The following PGM5 variants were observed in gnomAD, a reference collection of about 807,000 sequenced individuals.
PGM5 encodes the protein phosphoglucomutase-like protein 5.
A neutral mutation model predicts 59.2 loss-of-function variants in PGM5; 23 were observed. That is an observed-to-expected ratio of 0.39 (90% confidence interval 0.28 to 0.55). The LOEUF is 0.55. Among genes scored for constraint, PGM5 ranks in the 20% least tolerant of loss-of-function variants. The pLI is 0.66. For synonymous variants in PGM5, 214 were observed against 286.0 expected (o/e 0.75, Z 2.54); for missense variants, 574 against 748.3 (o/e 0.77, Z 2.72).
intron 9 of PGM5, among the ~76,000 whole-genome samples, chr9:68,485,073 A>T (rs981793613): frequency 8.5e-5 from 13 of 152,086 alleles, no homozygotes; most frequent in Non-Finnish European, 1.3e-4. Flanking sequence ...TCAGTTATGG[A>T]TTTTATCTAC....
intron 6 of PGM5, among the ~76,000 whole-genome samples, chr9:68,442,599 GA>G (rs1424331166): frequency 2.6e-5 from 4 of 152,204 alleles, no homozygotes; most frequent in Admixed American, 2.6e-4. Context: ...TAATGAAGCA[GA>G]ATAGAGAGTC....
intron 3 of PGM5, among the ~76,000 whole-genome samples, chr9:68,386,926 G>C (rs1454922104): frequency 6.6e-6 from 1 of 151,916 alleles, no homozygotes; most frequent in Admixed American, 6.6e-5. Context: ...GCATGAATGA[G>C]ATTTCACGCA....
At chr9:68,483,409 A>T (rs1431528712) in intron 8 of PGM5, among the ~76,000 whole-genome samples, 5 of 152,196 alleles carry the variant, frequency 3.3e-5, no homozygotes, top group African/African-American at 1.2e-4. Context: ...CTGGCAGAAG[A>T]ATGTACAAGG....
rs375076537 is a variant in PGM5, at chr9:68,499,771, T to C, written c.1614+410T>C. ...TTGGACCATGACCTTGAGGTGCCAA[T>C]ACAGATGGGCTTTGTCTCTGAGATT... On this transcript the variant is annotated intron_variant, in intron 10 of 10. Transcript: ENST00000396396. Among the ~76,000 whole-genome samples the C allele has an allele frequency of 5.3e-4, 81 of 152,296 alleles. 1 individual carries two copies. The South Asian group carries it at 0.012, about 23-fold the overall frequency.
intron 6 of PGM5, chr9:68,428,859 T>C (rs1217673016): frequency 2.0e-5 from 3 of 152,216 alleles, no homozygotes; most frequent in African/African-American, 7.2e-5. Flanking sequence ...CGGAGAATGC[T>C]CCTTATAACT....
chr9:68,477,311 G>A (rs1343067980), intron 7 of PGM5, among the ~76,000 whole-genome samples: 4 of 150,132 alleles, frequency 2.7e-5, no homozygotes, highest in Non-Finnish European at 5.9e-5. Context: ...CCCCCCTCAG[G>A]TTTGCATGTT....
At chr9:68,471,082 T>C (rs1554686196) in intron 7 of PGM5, among the ~76,000 whole-genome samples, 2 of 152,310 alleles carry the variant, frequency 1.3e-5, no homozygotes, top group Non-Finnish European at 1.5e-5. Flanking sequence ...GATCCTTCTA[T>C]TAATCCTCCA....
intron 10 of PGM5, among the ~76,000 whole-genome samples, chr9:68,512,990 C>T (rs1334110010): frequency 6.6e-6 from 1 of 152,188 alleles, no homozygotes; most frequent in Non-Finnish European, 1.5e-5. Context: ...TTTATGGCTG[C>T]ACCAAAACCA....
intron 10 of PGM5, among the ~76,000 whole-genome samples, chr9:68,514,517 G>A (rs1477625288): frequency 1.3e-5 from 2 of 152,082 alleles, no homozygotes; most frequent in African/African-American, 2.4e-5. Flanking sequence ...CAGGAGAATC[G>A]CTTGAACCTG....
intron 9 of PGM5, among the ~76,000 whole-genome samples, chr9:68,489,065 G>A (rs997802489): frequency 8.5e-5 from 13 of 152,090 alleles, no homozygotes; most frequent in African/African-American, 2.4e-4. Context: ...ATCATGCTAG[G>A]TGAGCTCTTT....
At chr9:68,461,761 T>C (rs1184558801) in intron 6 of PGM5, among the ~76,000 whole-genome samples, 1 of 151,820 alleles carries the variant, frequency 6.6e-6, no homozygotes, top group Non-Finnish European at 1.5e-5. Flanking sequence ...TTTTATAAAT[T>C]ATCTAGTATC....
At chr9:68,443,974 AG>A (rs1823570912) in intron 6 of PGM5, among the ~76,000 whole-genome samples, 1 of 152,134 alleles carries the variant, frequency 6.6e-6, no homozygotes, top group Non-Finnish European at 1.5e-5. Context: ...CTACTTGTGC[AG>A]ATATGGTGGA....
intron 1 of PGM5, among the ~76,000 whole-genome samples, chr9:68,367,519 T>C (rs1172578582): frequency 6.6e-6 from 1 of 152,210 alleles, no homozygotes; most frequent in Non-Finnish European, 1.5e-5. Context: ...TGGCAGGATG[T>C]TTGTTCAGGG....
intron 6 of PGM5, among the ~76,000 whole-genome samples, chr9:68,419,949 A>T (rs782674422): frequency 1.3e-5 from 2 of 152,112 alleles, no homozygotes; most frequent in Admixed American, 6.5e-5. Flanking sequence ...CTCCCTACCA[A>T]ATGGCGTAGC....
chr9:68,459,963 T>TA (rs1482611558), intron 6 of PGM5, among the ~76,000 whole-genome samples: 1 of 152,184 alleles, frequency 6.6e-6, no homozygotes. Context: ...CTAATCTGTG[T>TA]ATTTGAGGGT....
intron 6 of PGM5, among the ~76,000 whole-genome samples, chr9:68,409,566 A>T (rs868917068): frequency 3.4e-5 from 5 of 146,328 alleles, no homozygotes; most frequent in African/African-American, 5.1e-5. Context: ...TGAGTTCATG[A>T]CCTTTGTAGG....
intron 1 of PGM5, among the ~76,000 whole-genome samples, chr9:68,361,841 A>G (rs1466799529): frequency 5.3e-5 from 8 of 151,904 alleles, no homozygotes; most frequent in African/African-American, 1.9e-4. Flanking sequence ...TCTTTTTTTA[A>G]AGACTATTTC....
chr9:68,438,161 C>T (rs1362400760), intron 6 of PGM5, among the ~76,000 whole-genome samples: 1 of 151,796 alleles, frequency 6.6e-6, no homozygotes, highest in African/African-American at 2.4e-5. Context: ...TGGTGGCACA[C>T]ACCTGTAGTC....
chr9:68,382,101 C>T lies in PGM5; in HGVS notation c.425-2297C>T, dbSNP rs142426911. ...GGAAAAAAAAGTTGGAGGTACCACA[C>T]TTGCTGATTTAAAATTATATTACAA... On this transcript the variant is annotated intron_variant, in intron 2 of 10. Transcript: ENST00000396396. Among the ~76,000 whole-genome samples, 40 of 151,798 alleles carry T rather than the reference C, an allele frequency of 2.6e-4. No homozygotes were observed. The East Asian group carries it at 7.2e-3, about 27-fold the overall frequency.
Sources: allele counts gnomAD v4.1 joint callset (sites outside exome capture counted in the v4.1 genomes callset), GRCh38; gene constraint gnomAD v4.1.1; transcripts MANE v1.5; gene names NCBI Gene and HGNC (gene_info 2026-07-23, HGNC 2026-07-21).